Variants in PTPRD observed in about 807,000 individuals in gnomAD.
PTPRD encodes receptor-type tyrosine-protein phosphatase delta.
A neutral mutation model predicts 214.5 loss-of-function variants in PTPRD; 34 were observed. That is an observed-to-expected ratio of 0.16 (90% CI 0.12 to 0.21). PTPRD has a LOEUF of 0.21. PTPRD is among the 10% of genes least tolerant of loss of function. The pLI is 1.00. For synonymous variants in PTPRD, 1,128 were observed against 845.7 expected, an observed-to-expected ratio of 1.33 and a Z score of -5.79; for missense variants, 2,545 against 2,398.7, an observed-to-expected ratio of 1.06 and a Z score of -1.27.
Position 10,320,275 on chromosome 9 carries a change from C to G in PTPRD, c.-545+20688G>C, listed in dbSNP as rs542090412. The stretch of plus-strand genomic sequence containing the variant: ...CACTTAATATTGATAAATAATGTCT[C>G]AGACTTGCTTAAGTCAGCAATGCCT... On this transcript the variant is annotated intron_variant, in intron 3 of 45. Coordinates refer to ENST00000381196, the MANE Select transcript of PTPRD (RefSeq NM_002839.4). Among the ~76,000 whole-genome samples the G allele has an allele frequency of 3.9e-5, 6 of 152,154 alleles. No individual in the cohort carries two copies. In the South Asian group the frequency reaches 8.3e-4, roughly 21 times the overall value.
At chr9:9,562,339 G>T (rs1189473964) in intron 8 of PTPRD, among the ~76,000 whole-genome samples, 1 of 152,026 alleles carries the variant, frequency 6.6e-6, no homozygotes, top group Non-Finnish European at 1.5e-5. Context: ...CACTATTCTG[G>T]ATGAAGCCCC....
intron 12 of PTPRD, among the ~76,000 whole-genome samples, chr9:8,705,599 G>T (rs1177739001): frequency 2.0e-5 from 3 of 152,124 alleles, no homozygotes; most frequent in Admixed American, 2.0e-4. Context: ...CAACAGCAAA[G>T]AAGACATAAA....
rs529375540 is a variant in PTPRD at position 9,694,327 on chromosome 9, G to C, written c.-287+40206C>G. On this transcript the variant is annotated intron_variant, in intron 7 of 45. Coordinates refer to ENST00000381196, the MANE Select transcript of PTPRD (RefSeq NM_002839.4). ...AGACTTGTAGTGGTACTCTCTTGGT[G>C]GTCTTGGATAAGATCTGGATGAATT... Among the ~76,000 whole-genome samples, 160 of 152,044 alleles carry C rather than the reference G, an allele frequency of 1.1e-3. 1 individual carries two copies. Among genetic ancestry groups the C allele is most frequent in the South Asian group, 9.8e-3 (47 of 4,800 alleles).
intron 4 of PTPRD, among the ~76,000 whole-genome samples, chr9:10,002,609 A>C (rs931849173): frequency 1.3e-5 from 2 of 151,368 alleles, no homozygotes; most frequent in Non-Finnish European, 3.0e-5. Context: ...ATTTTGTAAT[A>C]ATAAAATGGT....
chr9:9,028,826 C>T (rs2099595524), intron 10 of PTPRD, among the ~76,000 whole-genome samples: 2 of 151,782 alleles, frequency 1.3e-5, no homozygotes, highest in East Asian at 3.9e-4. Flanking sequence ...GAAGTTTGCC[C>T]AGGCGAGTTA....
chr9:9,691,662 T>C (rs1281687415), intron 7 of PTPRD, among the ~76,000 whole-genome samples: 2 of 152,050 alleles, frequency 1.3e-5, no homozygotes, highest in South Asian at 2.1e-4. Context: ...TGTTGGATTG[T>C]ATGACAGCTA....
At chr9:9,986,927 C>A (rs1331035541) in intron 4 of PTPRD, among the ~76,000 whole-genome samples, 1 of 151,620 alleles carries the variant, frequency 6.6e-6, no homozygotes, top group Non-Finnish European at 1.5e-5. Context: ...AAGATACTCT[C>A]TAGAATTCTG....
At chr9:9,879,326 G>A (rs557435869) in intron 5 of PTPRD, among the ~76,000 whole-genome samples, 3 of 152,110 alleles carry the variant, frequency 2.0e-5, no homozygotes, top group Admixed American at 6.5e-5. Context: ...TCCATGAAAT[G>A]TCTGTATTAC....
intron 2 of PTPRD, among the ~76,000 whole-genome samples, chr9:10,529,506 G>A (rs2055462728): frequency 6.6e-6 from 1 of 151,338 alleles, no homozygotes; most frequent in Non-Finnish European, 1.5e-5. Flanking sequence ...ACTCATAAGT[G>A]GGAGTTGAAC....
At chr9:9,481,638 T>C (rs1278873034) in intron 8 of PTPRD, among the ~76,000 whole-genome samples, 1 of 152,124 alleles carries the variant, frequency 6.6e-6, no homozygotes, top group Non-Finnish European at 1.5e-5. Context: ...TTGTAAAACA[T>C]ACTTGGTAGT....
Position 8,557,455 on chromosome 9 carries a change from T to TATATATATATATATATAC in PTPRD, c.353-28677_353-28676insGTATATATATATATATAT. Among the ~76,000 whole-genome samples, 226 of 135,550 alleles carry TATATATATATATATATAC rather than the reference T, an allele frequency of 1.7e-3. 22 individuals are homozygous for TATATATATATATATATAC. Among genetic ancestry groups the TATATATATATATATATAC allele is most frequent in the African/African-American group, 7.3e-3 (209 of 28,726 alleles). The allele number at this position is 135,550 out of a possible 152,430, so 88.9% of individuals were successfully genotyped here. Reference sequence around the variant, plus strand: ...AAATACATATATATATATATATATATATTTGGGCCGGGCGCGGTGGCTCAT... The same window carrying TATATATATATATATATAC: ...AAATACATATATATATATATATATATATATATATATATATATACATTTGGGCCGGGCGCGGTGGCTCAT... On this transcript the variant is annotated intron_variant, in intron 14 of 45. Transcript: ENST00000381196.
intron 10 of PTPRD, among the ~76,000 whole-genome samples, chr9:9,053,449 C>T (rs556079207): frequency 1.2e-4 from 18 of 152,056 alleles, no homozygotes; most frequent in South Asian, 4.2e-4. Context: ...TAACCCATCA[C>T]GGTTGAGTCA....
At chr9:9,929,711 G>C (rs1275291865) in intron 5 of PTPRD, among the ~76,000 whole-genome samples, 3 of 152,164 alleles carry the variant, frequency 2.0e-5, no homozygotes. Context: ...CTTTTAAAGA[G>C]GTTTCTGAAA....
intron 12 of PTPRD, among the ~76,000 whole-genome samples, chr9:8,714,504 C>T (rs150850169): frequency 5.8e-4 from 89 of 152,270 alleles, no homozygotes; most frequent in Admixed American, 2.6e-3. Context: ...TAGCTTGGTG[C>T]GCAGTAGAAT....
At chr9:9,856,368 G>GT (rs1374724949) in intron 5 of PTPRD, among the ~76,000 whole-genome samples, 6 of 152,106 alleles carry the variant, frequency 3.9e-5, no homozygotes, top group Non-Finnish European at 8.8e-5. Context: ...CGGTCTCAGG[G>GT]TTTTTGGCTT....
At chr9:9,312,187 A>G (rs1238670751) in intron 9 of PTPRD, among the ~76,000 whole-genome samples, 2 of 152,194 alleles carry the variant, frequency 1.3e-5, no homozygotes, top group African/African-American at 4.8e-5. Context: ...GATGTGAAGT[A>G]TCAGCTTTAC....
chr9:8,425,655 T>G (rs1369355999), intron 35 of PTPRD, among the ~76,000 whole-genome samples: 6 of 147,506 alleles, frequency 4.1e-5, no homozygotes, highest in Admixed American at 2.0e-4. Flanking sequence ...AATTATTTTT[T>G]GTTTTGTTTT....
At chr9:10,233,045 T>A (rs542965291) in intron 3 of PTPRD, among the ~76,000 whole-genome samples, 2 of 152,152 alleles carry the variant, frequency 1.3e-5, no homozygotes, top group East Asian at 3.9e-4. Flanking sequence ...CAGTAGCATA[T>A]GTGAAGCTCC....
chr9:10,251,822 A>G lies in PTPRD; in HGVS notation c.-545+89141T>C, dbSNP rs532873858. Reference sequence around the variant, plus strand: ...AATCTGAAAAAGTTGAACTCATAGAAATAGTAGAATGATGGTTACCAGAGG... The same window carrying G: ...AATCTGAAAAAGTTGAACTCATAGAGATAGTAGAATGATGGTTACCAGAGG... On this transcript the variant is annotated intron_variant, in intron 3 of 45. Transcript: ENST00000381196. Among the ~76,000 whole-genome samples, 3 of 152,292 alleles carry G rather than the reference A, an allele frequency of 2.0e-5. No homozygotes were observed. In the East Asian group the frequency reaches 5.8e-4, roughly 29 times the overall value.
Sources: allele counts gnomAD v4.1 joint callset (sites outside exome capture counted in the v4.1 genomes callset), GRCh38; gene constraint gnomAD v4.1.1; transcripts MANE v1.5; gene names NCBI Gene and HGNC (gene_info 2026-07-23, HGNC 2026-07-21).